The following GRIN2B variants were observed in gnomAD, a reference collection of about 807,000 sequenced individuals.
GRIN2B encodes the protein glutamate ionotropic receptor NMDA type subunit 2B.
In GRIN2B, 5 loss-of-function variants were observed where a neutral mutation model predicts 114.5. That is an observed-to-expected ratio of 0.04 (90% CI 0.02 to 0.09). The LOEUF is 0.09. Ranked by LOEUF, GRIN2B falls within the 10% of genes least tolerant of loss-of-function variation. The pLI is 1.00. For synonymous variants in GRIN2B, 787 were observed against 745.1 expected (o/e 1.06, Z -0.92); for missense variants, 1,108 against 1,943.5 (o/e 0.57, Z 8.08).
chr12:13,926,848 G>A (rs1866923105), intron 2 of GRIN2B, among the ~76,000 whole-genome samples: 1 of 152,086 alleles, frequency 6.6e-6, no homozygotes, highest in African/African-American at 2.4e-5. Context: ...AGCTACTTAG[G>A]AGGCTGAGGC....
At position 13,937,859 on chromosome 12, in the gene GRIN2B, C is replaced by T. The variant is rs371648982; in HGVS notation, c.-19+42069G>A. ...ACAGTCATATGAAATTATCCTCCTG[C>T]GAAGTTATTACACTTCTGAAGTGGG... is the stretch of plus-strand genomic sequence containing the variant. On this transcript the variant is annotated intron_variant, in intron 2 of 13. Coordinates refer to ENST00000609686, the MANE Select transcript of GRIN2B (RefSeq NM_000834.5). 5.9e-5 allele frequency among the ~76,000 whole-genome samples: 9 copies of T among 152,026 alleles called. No individual in the cohort carries two copies. In the South Asian group the frequency reaches 1.0e-3, roughly 18 times the overall value.
Position 13,640,628 on chromosome 12 carries a change from T to A in GRIN2B, c.1126-23971A>T, listed in dbSNP as rs77012847. Among the ~76,000 whole-genome samples the A allele has an allele frequency of 2.6e-3, 396 of 152,322 alleles. 1 individual carries two copies. Among genetic ancestry groups the A allele is most frequent in the African/African-American group, 8.4e-3 (348 of 41,576 alleles). The stretch of plus-strand genomic sequence containing the variant: ...CTAGACATTACAGAATGTTGCATGT[T>A]GACAAAACGTTCAAGCATCACAGTG... On this transcript the variant is annotated intron_variant, in intron 5 of 13. Transcript: ENST00000609686.
At chr12:13,730,631 T>C (rs779722981) in intron 4 of GRIN2B, among the ~76,000 whole-genome samples, 2 of 152,144 alleles carry the variant, frequency 1.3e-5, no homozygotes, top group Non-Finnish European at 2.9e-5. Flanking sequence ...TAGGCGATAG[T>C]GAGTGTTAAG....
chr12:13,762,671 T>C (rs1349334513), intron 3 of GRIN2B, among the ~76,000 whole-genome samples: 1 of 152,206 alleles, frequency 6.6e-6, no homozygotes, highest in Admixed American at 6.5e-5. Flanking sequence ...TGGTTCTAGA[T>C]ACAGTGATCT....
intron 3 of GRIN2B, among the ~76,000 whole-genome samples, chr12:13,767,406 G>T (rs1266582790): frequency 1.3e-5 from 2 of 152,048 alleles, no homozygotes; most frequent in Non-Finnish European, 2.9e-5. Flanking sequence ...GTCTGTTAAA[G>T]AAATGTAATT....
chr12:13,839,471 C>T (rs774715554), intron 3 of GRIN2B, among the ~76,000 whole-genome samples: 1 of 152,216 alleles, frequency 6.6e-6, no homozygotes, highest in Non-Finnish European at 1.5e-5. Flanking sequence ...TGTTTTTCAG[C>T]TCCCTCTAGC....
chr12:13,921,850 C>T (rs1180451473), intron 2 of GRIN2B, among the ~76,000 whole-genome samples: 1 of 152,036 alleles, frequency 6.6e-6, no homozygotes, highest in Non-Finnish European at 1.5e-5. Flanking sequence ...ATATATTATT[C>T]CCTGAATTGA....
At chr12:13,576,535 T>A (rs2136421476) in intron 10 of GRIN2B, among the ~76,000 whole-genome samples, 1 of 128,046 alleles carries the variant, frequency 7.8e-6, no homozygotes, top group East Asian at 2.3e-4. Context: ...GTACTCTTTA[T>A]TTTCTTTTTT....
chr12:13,977,815 C>T (rs902700384), intron 2 of GRIN2B, among the ~76,000 whole-genome samples: 2 of 152,158 alleles, frequency 1.3e-5, no homozygotes, highest in Admixed American at 6.5e-5. Flanking sequence ...AAGGCACAGA[C>T]CACCTGTGGC....
At chr12:13,934,545 G>A (rs1373989205) in intron 2 of GRIN2B, among the ~76,000 whole-genome samples, 1 of 152,150 alleles carries the variant, frequency 6.6e-6, no homozygotes, top group Non-Finnish European at 1.5e-5. Flanking sequence ...GTCTGTGCCC[G>A]CTATTCCACA....
chr12:13,880,605 A>C (rs1201797576), intron 2 of GRIN2B, among the ~76,000 whole-genome samples: 1 of 152,212 alleles, frequency 6.6e-6, no homozygotes, highest in Non-Finnish European at 1.5e-5. Flanking sequence ...AAAACAGCAA[A>C]TAAGCTGTCA....
intron 2 of GRIN2B, among the ~76,000 whole-genome samples, chr12:13,907,299 T>C (rs1249926899): frequency 1.3e-5 from 2 of 152,118 alleles, no homozygotes; most frequent in Non-Finnish European, 2.9e-5. Context: ...GAGACCAGTC[T>C]GGCCAACATG....
At chr12:13,789,829 A>G (rs927208222) in intron 3 of GRIN2B, among the ~76,000 whole-genome samples, 2 of 152,194 alleles carry the variant, frequency 1.3e-5, no homozygotes, top group Admixed American at 6.5e-5. Flanking sequence ...TATCACCCAG[A>G]AGTAAAATTG....
chr12:13,673,075 A>T (rs947353124), intron 5 of GRIN2B, among the ~76,000 whole-genome samples: 1 of 152,174 alleles, frequency 6.6e-6, no homozygotes, highest in Non-Finnish European at 1.5e-5. Context: ...GGACAACTCT[A>T]ACAAGAGGCA....
chr12:13,968,950 C>T (rs913813599), intron 2 of GRIN2B, among the ~76,000 whole-genome samples: 1 of 152,182 alleles, frequency 6.6e-6, no homozygotes, highest in Non-Finnish European at 1.5e-5. Flanking sequence ...TCCAAGATTA[C>T]ATGATCAGAG....
intron 2 of GRIN2B, among the ~76,000 whole-genome samples, chr12:13,885,657 C>T (rs1023782288): frequency 3.3e-5 from 5 of 152,142 alleles, no homozygotes; most frequent in African/African-American, 1.2e-4. Flanking sequence ...TACAGGAGCG[C>T]TTAACAAGGC....
rs1948329405 is a variant in GRIN2B at position 13,545,320 on chromosome 12, A to T, written c.*17463T>A. 6.6e-6 allele frequency: 1 copy of T among 152,218 alleles called. No individual in the cohort carries two copies. The highest frequency in any genetic ancestry group is 6.5e-5 in the Admixed American group (1 of 15,272). The allele number at this position is 152,218 out of a possible 1,614,324, so 9.4% of individuals were successfully genotyped here. Reference sequence around the variant, plus strand: ...TGCATGACACTTTGCACTATCTGACATGAGATCTATTGATTTGCTTTTTTG... The same window carrying T: ...TGCATGACACTTTGCACTATCTGACTTGAGATCTATTGATTTGCTTTTTTG... On this transcript the variant is annotated 3_prime_UTR_variant, in exon 14 of 14. Transcript: ENST00000609686.
At chr12:13,919,448 C>T (rs951560747) in intron 2 of GRIN2B, among the ~76,000 whole-genome samples, 4 of 152,228 alleles carry the variant, frequency 2.6e-5, no homozygotes, top group African/African-American at 9.6e-5. Context: ...TCTAAACTAA[C>T]ATTCCCTAAT....
At chr12:13,741,048 T>C (rs1263743249) in intron 4 of GRIN2B, among the ~76,000 whole-genome samples, 3 of 152,190 alleles carry the variant, frequency 2.0e-5, no homozygotes, top group Admixed American at 1.3e-4. Context: ...ATTTATTTTA[T>C]TTTATTTTAT....
Sources: allele counts gnomAD v4.1 joint callset (sites outside exome capture counted in the v4.1 genomes callset), GRCh38; gene constraint gnomAD v4.1.1; transcripts MANE v1.5; gene names NCBI Gene and HGNC (gene_info 2026-07-23, HGNC 2026-07-21).